The following DOCK4 variants were observed in gnomAD, a reference collection of about 807,000 sequenced individuals.
The protein encoded by DOCK4 is dedicator of cytokinesis protein 4.
In DOCK4, 97 loss-of-function variants were observed where a neutral mutation model predicts 268.1. The ratio of observed to expected loss-of-function variants is 0.36; its 90% CI spans 0.31 to 0.43. The LOEUF is 0.43. Among genes scored for constraint, DOCK4 ranks in the 20% least tolerant of loss-of-function variants. DOCK4 has a pLI of 1.00. For missense variants in DOCK4, 2,145 were observed against 2,455.7 expected (o/e 0.87, Z 2.67); for synonymous variants, 954 against 887.2 (o/e 1.08, Z -1.34).
At chr7:111,766,618 G>A (rs756569473) in intron 38 of DOCK4, among the ~76,000 whole-genome samples, 24 of 152,286 alleles carry the variant, frequency 1.6e-4, no homozygotes, top group Non-Finnish European at 3.2e-4. Context: ...CTAAAGAGAG[G>A]TGACACCTAC....
At chr7:111,904,173 T>A (rs1174812270) in intron 13 of DOCK4, among the ~76,000 whole-genome samples, 1 of 152,184 alleles carries the variant, frequency 6.6e-6, no homozygotes, top group Admixed American at 6.5e-5. Flanking sequence ...AAATGAGGGA[T>A]GTACTGCCAG....
Position 111,937,530 on chromosome 7 carries a change from G to A in DOCK4, c.978-1902C>T, listed in dbSNP as rs560037189. 1.1e-3 allele frequency among the ~76,000 whole-genome samples: 162 copies of A among 152,212 alleles called. 1 individual carries two copies. Among genetic ancestry groups the A allele is most frequent in the Middle Eastern group, 3.4e-3 (1 of 292 alleles). Reference sequence around the variant, plus strand: ...GGCTGGAATGCATAGGTCTTATTCCGCTGGCTGCCTCATAAAGGGTGATGA... The same window carrying A: ...GGCTGGAATGCATAGGTCTTATTCCACTGGCTGCCTCATAAAGGGTGATGA... On this transcript the variant is annotated intron_variant, in intron 11 of 52. Transcript: ENST00000428084.
chr7:111,738,112 T>TTAAAACTCAGGGCTACCCA (rs1203252308), intron 49 of DOCK4, among the ~76,000 whole-genome samples: 3 of 152,130 alleles, frequency 2.0e-5, no homozygotes, highest in Non-Finnish European at 4.4e-5. Context: ...TCCCAAATCT[T>TTAAAACTCAGGGCTACCCA]TAAAACTCAG....
chr7:111,987,322 A>G (rs575519429), intron 6 of DOCK4, among the ~76,000 whole-genome samples: 170 of 152,280 alleles, frequency 1.1e-3, no homozygotes, highest in Non-Finnish European at 1.2e-3. Context: ...TTTCTTTCAT[A>G]AAACTGAAGA....
chr7:112,016,763 C>T (rs773079262), intron 1 of DOCK4, among the ~76,000 whole-genome samples: 7 of 152,072 alleles, frequency 4.6e-5, no homozygotes, highest in East Asian at 1.9e-4. Context: ...ATCCTTGAAA[C>T]GACTACTCAG....
intron 1 of DOCK4, among the ~76,000 whole-genome samples, chr7:112,005,941 T>C (rs1430356485): frequency 6.6e-6 from 1 of 152,086 alleles, no homozygotes; most frequent in Admixed American, 6.5e-5. Context: ...AGATCTCCAG[T>C]CCCCTCAATG....
chr7:111,951,107 A>G (rs1468813256), intron 8 of DOCK4, among the ~76,000 whole-genome samples: 1 of 152,206 alleles, frequency 6.6e-6, no homozygotes, highest in East Asian at 1.9e-4. Context: ...AAAAATGACT[A>G]TTTCTTTGGA....
chr7:111,819,713 T>C (rs1046411534), intron 27 of DOCK4: 6 of 152,226 alleles, frequency 3.9e-5, no homozygotes, highest in African/African-American at 1.4e-4. Context: ...AACATTCATT[T>C]TGAGGGATGA....
intron 1 of DOCK4, among the ~76,000 whole-genome samples, chr7:112,133,746 T>A (rs1195382032): frequency 3.3e-5 from 5 of 152,128 alleles, no homozygotes; most frequent in African/African-American, 4.8e-5. Flanking sequence ...TAGAAAATTT[T>A]AAAAATTAAA....
chr7:111,927,424 G>A (rs1326456855), intron 12 of DOCK4, among the ~76,000 whole-genome samples: 1 of 152,198 alleles, frequency 6.6e-6, no homozygotes, highest in Non-Finnish European at 1.5e-5. Flanking sequence ...CTTTCATTGA[G>A]TCTTAACTAC....
chr7:111,765,772 G>A (rs1228600165), intron 38 of DOCK4, among the ~76,000 whole-genome samples: 1 of 152,188 alleles, frequency 6.6e-6, no homozygotes, highest in Non-Finnish European at 1.5e-5. Flanking sequence ...GACCCATAGT[G>A]CAAAGTGCTG....
chr7:111,944,699 G>C (rs943560312), intron 10 of DOCK4, 112 bp downstream of exon 10: 3 of 1,050,508 alleles, frequency 2.9e-6, no homozygotes, highest in Non-Finnish European at 4.3e-6. Context: ...TTCAAATCTG[G>C]CTTTGATATC....
intron 23 of DOCK4, among the ~76,000 whole-genome samples, chr7:111,859,095 T>A (rs900749875): frequency 6.6e-6 from 1 of 152,204 alleles, no homozygotes; most frequent in African/African-American, 2.4e-5. Flanking sequence ...CATGGCTTAC[T>A]GTATTCTCAA....
rs138282373 is a variant in DOCK4, at chr7:111,848,043, C to T, written c.2474-917G>A. ...CAAAATTTCATGATTATGTAACTCG[C>T]CTTGACCCTTTCAATCTATACACTT... On this transcript the variant is annotated intron_variant, in intron 23 of 52. Coordinates refer to ENST00000428084, the MANE Select transcript of DOCK4 (RefSeq NM_001363540.2). Among the ~76,000 whole-genome samples the T allele has an allele frequency of 2.9e-3, 438 of 152,246 alleles. 4 individuals carry two copies. The highest frequency in any genetic ancestry group is 0.021 in the East Asian group (107 of 5,188).
At chr7:112,040,702 C>A (rs1446010101) in intron 1 of DOCK4, among the ~76,000 whole-genome samples, 3 of 151,888 alleles carry the variant, frequency 2.0e-5, no homozygotes, top group African/African-American at 7.3e-5. Flanking sequence ...GGCACAGTGA[C>A]CCAATACACA....
intron 1 of DOCK4, among the ~76,000 whole-genome samples, chr7:112,082,097 C>T (rs1362813243): frequency 6.6e-6 from 1 of 152,106 alleles, no homozygotes; most frequent in Non-Finnish European, 1.5e-5. Context: ...CTTAGCTCCG[C>T]ACCTGTCATG....
chr7:111,850,514 A>C (rs1804462056), intron 23 of DOCK4, among the ~76,000 whole-genome samples: 1 of 152,138 alleles, frequency 6.6e-6, no homozygotes, highest in Admixed American at 6.5e-5. Flanking sequence ...GCCCAAGCTA[A>C]CCCATCATAC....
At chr7:112,014,646 T>C (rs912367781) in intron 1 of DOCK4, among the ~76,000 whole-genome samples, 3 of 152,238 alleles carry the variant, frequency 2.0e-5, no homozygotes, top group African/African-American at 7.2e-5. Flanking sequence ...AGCAAACAGA[T>C]ACACTTATAG....
At chr7:111,862,525 C>A in intron 23 of DOCK4, among the ~76,000 whole-genome samples, 1 of 112,158 alleles carries the variant, frequency 8.9e-6, no homozygotes, top group Non-Finnish European at 1.7e-5. Flanking sequence ...GAGTCTTGCT[C>A]TGTTGCCCAG....
Sources: gnomAD v4.1 joint callset for allele counts (sites outside exome capture counted in the v4.1 genomes callset) on GRCh38, gnomAD v4.1.1 for gene constraint, MANE v1.5 for transcripts, NCBI Gene and HGNC (gene_info 2026-07-23, HGNC 2026-07-21) for gene names.